Variants in NAV3 observed in about 807,000 individuals in gnomAD.
The protein encoded by NAV3 is neuron navigator 3.
NAV3 carries 87 observed loss-of-function variants against 244.7 expected under a neutral mutation model. That is an observed-to-expected ratio of 0.36 (90% CI 0.30 to 0.42). The LOEUF is 0.42. Among genes scored for constraint, NAV3 ranks in the 20% least tolerant of loss-of-function variants. NAV3 has a pLI of 1.00. For synonymous variants in NAV3, 1,126 were observed against 1,042.2 expected (o/e 1.08, Z -1.55); for missense variants, 2,663 against 2,893.3 (o/e 0.92, Z 1.83).
intron 2 of NAV3, among the ~76,000 whole-genome samples, chr12:77,734,311 G>C (rs918995327): frequency 1.3e-5 from 2 of 149,482 alleles, no homozygotes; most frequent in African/African-American, 5.0e-5. Context: ...TTTTTCATTT[G>C]CACACTTTTA....
At chr12:77,968,254 T>C (rs188364280) in intron 4 of NAV3, among the ~76,000 whole-genome samples, 165 of 152,316 alleles carry the variant, frequency 1.1e-3, no homozygotes, top group African/African-American at 3.7e-3. Flanking sequence ...AAAATTGTAG[T>C]TCAAGGTCAG....
chr12:77,768,089 A>G (rs1404711949), intron 2 of NAV3, among the ~76,000 whole-genome samples: 1 of 152,226 alleles, frequency 6.6e-6, no homozygotes, highest in Non-Finnish European at 1.5e-5. Context: ...GGAGTCCAGT[A>G]GAACCTATCC....
chr12:77,712,133 A>G (rs757085584), intron 2 of NAV3, among the ~76,000 whole-genome samples: 8 of 152,084 alleles, frequency 5.3e-5, no homozygotes, highest in Non-Finnish European at 1.0e-4. Flanking sequence ...ATTGCATATT[A>G]TATTGTCTAA....
intron 1 of NAV3, among the ~76,000 whole-genome samples, chr12:77,866,582 A>G (rs1359351173): frequency 6.6e-6 from 1 of 152,256 alleles, no homozygotes; most frequent in Admixed American, 6.5e-5. Flanking sequence ...TAGTTTAATT[A>G]CAATCACACA....
intron 2 of NAV3, among the ~76,000 whole-genome samples, chr12:77,616,392 A>G (rs190830897): frequency 2.5e-4 from 38 of 152,250 alleles, no homozygotes; most frequent in African/African-American, 8.4e-4. Context: ...GGGCAATAAA[A>G]TAAGTTAGTA....
chr12:77,748,487 C>T (rs1868673024), intron 2 of NAV3, among the ~76,000 whole-genome samples: 1 of 152,120 alleles, frequency 6.6e-6, no homozygotes, highest in Non-Finnish European at 1.5e-5. Flanking sequence ...TGAAAACAAC[C>T]TCAGTGTCTG....
chr12:77,686,928 C>T (rs866787360), intron 2 of NAV3, among the ~76,000 whole-genome samples: 5 of 151,718 alleles, frequency 3.3e-5, no homozygotes, highest in African/African-American at 1.2e-4. Context: ...ACAAAACAAG[C>T]CTAAACATGT....
At chr12:78,104,687 A>G (rs952126276) in intron 12 of NAV3, among the ~76,000 whole-genome samples, 1 of 152,200 alleles carries the variant, frequency 6.6e-6, no homozygotes, top group Non-Finnish European at 1.5e-5. Flanking sequence ...ACTTAATATC[A>G]TGTAAAATTT....
intron 2 of NAV3, among the ~76,000 whole-genome samples, chr12:77,661,461 A>G (rs1336165416): frequency 6.6e-6 from 1 of 152,118 alleles, no homozygotes; most frequent in Non-Finnish European, 1.5e-5. Flanking sequence ...GAGCTTTATT[A>G]GATATATGAG....
chr12:78,123,663 A>G (rs1955779327), intron 16 of NAV3, among the ~76,000 whole-genome samples: 1 of 152,190 alleles, frequency 6.6e-6, no homozygotes, highest in African/African-American at 2.4e-5. Context: ...ACTAACTAAA[A>G]TATTGGTGTT....
At chr12:77,584,151 T>C (rs550166306) in intron 2 of NAV3, among the ~76,000 whole-genome samples, 1 of 152,306 alleles carries the variant, frequency 6.6e-6, no homozygotes, top group South Asian at 2.1e-4. Flanking sequence ...TTTTTACTCA[T>C]GTATTGTTTG....
At chr12:78,000,755 G>A (rs1244124039) in intron 7 of NAV3, among the ~76,000 whole-genome samples, 2 of 149,138 alleles carry the variant, frequency 1.3e-5, no homozygotes, top group East Asian at 2.0e-4. Flanking sequence ...CGCCCGCCTC[G>A]GCCTCCCAAA....
intron 10 of NAV3, 138 bp from the exon 11 acceptor site, chr12:78,050,626 A>C (rs998164833): frequency 1.2e-5 from 11 of 896,106 alleles, no homozygotes; most frequent in Non-Finnish European, 1.7e-5. Context: ...CCTCAAAATG[A>C]ATATAGAGTT....
At chr12:78,136,242 T>C (rs1956369368) in intron 18 of NAV3, among the ~76,000 whole-genome samples, 1 of 152,222 alleles carries the variant, frequency 6.6e-6, no homozygotes, top group Non-Finnish European at 1.5e-5. Flanking sequence ...CTTAAGAGGC[T>C]CCTGCCTGCT....
At chr12:77,927,321 G>A (rs1888319669) in intron 1 of NAV3, among the ~76,000 whole-genome samples, 1 of 152,128 alleles carries the variant, frequency 6.6e-6, no homozygotes, top group African/African-American at 2.4e-5. Context: ...ATTTTGAGAT[G>A]GACATAAGAT....
chr12:78,040,830 G>A (rs1217634214), intron 9 of NAV3, among the ~76,000 whole-genome samples: 1 of 152,036 alleles, frequency 6.6e-6, no homozygotes, highest in Non-Finnish European at 1.5e-5. Flanking sequence ...TTGAATCTTA[G>A]GTTTAGTGCT....
At chr12:78,197,714 T>C (rs1479363884) in intron 35 of NAV3, among the ~76,000 whole-genome samples, 2 of 151,864 alleles carry the variant, frequency 1.3e-5, no homozygotes. Context: ...TCCATATGCA[T>C]TCCTTAGAAT....
intron 3 of NAV3, among the ~76,000 whole-genome samples, chr12:77,952,324 G>T (rs1443970135): frequency 6.6e-6 from 1 of 152,036 alleles, no homozygotes; most frequent in African/African-American, 2.4e-5. Context: ...TAGATGTCCA[G>T]CTCGTCTCGC....
intron 2 of NAV3, among the ~76,000 whole-genome samples, chr12:77,578,717 G>T (rs936206817): frequency 3.3e-5 from 5 of 152,022 alleles, no homozygotes; most frequent in African/African-American, 1.2e-4. Context: ...ATCAACACTT[G>T]TTCAGTATGG....
Sources: gnomAD v4.1 joint callset for allele counts (sites outside exome capture counted in the v4.1 genomes callset) on GRCh38, gnomAD v4.1.1 for gene constraint, MANE v1.5 for transcripts, NCBI Gene and HGNC (gene_info 2026-07-23, HGNC 2026-07-21) for gene names.